Variants in FAM222B observed in about 807,000 individuals in gnomAD.
FAM222B encodes the protein protein FAM222B.
A neutral mutation model predicts 38.0 loss-of-function variants in FAM222B; 12 were observed. The ratio of observed to expected loss-of-function variants is 0.32; its 90% CI spans 0.20 to 0.51. FAM222B has a LOEUF of 0.51. Among genes scored for constraint, FAM222B ranks in the 20% least tolerant of loss-of-function variants. FAM222B has a pLI of 0.97. For synonymous variants in FAM222B, 329 were observed against 317.2 expected, an observed-to-expected ratio of 1.04 and a Z score of -0.40; for missense variants, 716 against 754.2, an observed-to-expected ratio of 0.95 and a Z score of 0.59.
chr17:28,834,600 T>C (rs2038775288), intron 1 of FAM222B: 1 of 152,158 alleles, frequency 6.6e-6, no homozygotes, highest in Non-Finnish European at 1.5e-5. Flanking sequence ...AAGTCTTCTC[T>C]AACTTTCCCC....
intron 1 of FAM222B, among the ~76,000 whole-genome samples, chr17:28,770,975 T>G: frequency 6.6e-6 from 1 of 151,620 alleles, no homozygotes; most frequent in South Asian, 2.1e-4. Flanking sequence ...TAAATATGTG[T>G]GTGTATATAT....
intron 1 of FAM222B, among the ~76,000 whole-genome samples, chr17:28,770,567 T>A (rs1332301089): frequency 7.0e-6 from 1 of 142,148 alleles, no homozygotes; most frequent in African/African-American, 2.6e-5. Context: ...CATGCCCAGC[T>A]AATATTTTTT....
intron 1 of FAM222B, among the ~76,000 whole-genome samples, chr17:28,848,429 G>A (rs1276061848): frequency 6.6e-6 from 1 of 151,960 alleles, no homozygotes; most frequent in Admixed American, 6.6e-5. Context: ...ATTAATGATT[G>A]GCAGGGGAAA....
intron 2 of FAM222B, among the ~76,000 whole-genome samples, chr17:28,764,587 G>A (rs1326811604): frequency 6.6e-6 from 1 of 151,374 alleles, no homozygotes; most frequent in Non-Finnish European, 1.5e-5. Context: ...TGTCTCTACT[G>A]AAAATACAAA....
At chr17:28,826,216 A>G (rs1231079002) in intron 1 of FAM222B, among the ~76,000 whole-genome samples, 2 of 151,690 alleles carry the variant, frequency 1.3e-5, no homozygotes, top group Non-Finnish European at 2.9e-5. Flanking sequence ...CTACAGGCTC[A>G]TGCCACCACA....
intron 1 of FAM222B, among the ~76,000 whole-genome samples, chr17:28,825,305 G>T (rs1355139769): frequency 6.6e-6 from 1 of 151,676 alleles, no homozygotes; most frequent in African/African-American, 2.4e-5. Flanking sequence ...ACGTAGAGGC[G>T]TGCACCTATG....
chr17:28,808,351 TC>T (rs1206124830), intron 1 of FAM222B, among the ~76,000 whole-genome samples: 4 of 152,128 alleles, frequency 2.6e-5, no homozygotes, highest in African/African-American at 9.7e-5. Flanking sequence ...CATACATCAT[TC>T]CAGTCCTTTA....
chr17:28,759,597 G>A lies in FAM222B; in HGVS notation c.362C>T (p.Ala121Val), dbSNP rs1479360281. ...CATGATGGCCTCAGGGAGCAACCGG[G>A]CTCGGGTGCCGTCAAAGTCCTTGAG... ...SILKDFDGTR[A>V]RLLPEAIMNP... Residue 121 changes from alanine (A) to valine (V), a missense_variant, in exon 3 of 3, where the codon GCC becomes GTC. By Grantham distance (64) the Ala-to-Val change is moderately conservative (BLOSUM62 0). Transcript: ENST00000581407. The surrounding 1 kb of genome is among the most constrained non-coding windows in gnomAD (Gnocchi z 4.8). 1 of 1,612,516 alleles carries A rather than the reference G, an allele frequency of 6.2e-7. No homozygotes were observed. The highest frequency in any genetic ancestry group is 8.5e-7 in the Non-Finnish European group (1 of 1,179,332).
chr17:28,797,425 G>A (rs1383771206), intron 1 of FAM222B, among the ~76,000 whole-genome samples: 3 of 152,138 alleles, frequency 2.0e-5, no homozygotes, highest in Non-Finnish European at 4.4e-5. Context: ...TAAAGTTTTT[G>A]AAGAAGGGCA....
chr17:28,791,327 A>C (rs1436357485), intron 1 of FAM222B, among the ~76,000 whole-genome samples: 2 of 152,094 alleles, frequency 1.3e-5, no homozygotes, highest in East Asian at 3.9e-4. Context: ...TGGAGAAGAC[A>C]TCTCTAAATT....
At chr17:28,818,689 A>G (rs1303622677) in intron 1 of FAM222B, among the ~76,000 whole-genome samples, 2 of 152,186 alleles carry the variant, frequency 1.3e-5, no homozygotes, top group Non-Finnish European at 2.9e-5. Context: ...AATCTTCAAA[A>G]TGACTGCTCC....
intron 1 of FAM222B, among the ~76,000 whole-genome samples, chr17:28,799,871 G>C (rs1362619688): frequency 6.6e-6 from 1 of 152,120 alleles, no homozygotes; most frequent in African/African-American, 2.4e-5. Flanking sequence ...GCCTCCCAAA[G>C]TTCTAGGATT....
chr17:28,830,315 C>T (rs537847448), intron 1 of FAM222B, among the ~76,000 whole-genome samples: 1 of 151,944 alleles, frequency 6.6e-6, no homozygotes, highest in Non-Finnish European at 1.5e-5. Flanking sequence ...GTGCCCGCAA[C>T]CACGCCTGGC....
intron 1 of FAM222B, among the ~76,000 whole-genome samples, chr17:28,806,275 G>T (rs1162591454): frequency 6.6e-6 from 1 of 151,986 alleles, no homozygotes; most frequent in East Asian, 1.9e-4. Flanking sequence ...ATGAACTTTT[G>T]TTTTTTCCAC....
At chr17:28,836,261 T>C (rs1352138242) in intron 1 of FAM222B, among the ~76,000 whole-genome samples, 1 of 151,980 alleles carries the variant, frequency 6.6e-6, no homozygotes, top group East Asian at 1.9e-4. Flanking sequence ...GTGCTGGGAT[T>C]ACAGGCATAA....
intron 1 of FAM222B, among the ~76,000 whole-genome samples, chr17:28,824,664 CA>C (rs2152593725): frequency 6.6e-6 from 1 of 152,282 alleles, no homozygotes; most frequent in African/African-American, 2.4e-5. Flanking sequence ...AAAGATATGC[CA>C]AATCTGTCAT....
intron 1 of FAM222B, among the ~76,000 whole-genome samples, chr17:28,787,817 T>C (rs1597917433): frequency 6.8e-6 from 1 of 147,294 alleles, no homozygotes; most frequent in South Asian, 2.2e-4. Flanking sequence ...AAAAAACTAA[T>C]AAAGTAGTCT....
chr17:28,806,017 T>C (rs1408793814), intron 1 of FAM222B, among the ~76,000 whole-genome samples: 1 of 152,110 alleles, frequency 6.6e-6, no homozygotes, highest in African/African-American at 2.4e-5. Context: ...GTGCATGTGG[T>C]GGCACATTCC....
intron 1 of FAM222B, among the ~76,000 whole-genome samples, chr17:28,797,289 G>C (rs9907178): frequency 0.19 from 28,699 of 151,956 alleles, 2,848 homozygotes; most frequent in South Asian, 0.3. Flanking sequence ...AGCCACAGCG[G>C]CTGGCTGGCT....
Sources: gnomAD v4.1 joint callset for allele counts (sites outside exome capture counted in the v4.1 genomes callset) on GRCh38, gnomAD v4.1.1 for gene constraint, Gnocchi (gnomAD v3.1) non-coding constraint, MANE v1.5 for transcripts, NCBI Gene and HGNC (gene_info 2026-07-23, HGNC 2026-07-21) for gene names.